C4orf36: variants seen among roughly 807,000 people sequenced by gnomAD.
The protein encoded by C4orf36 is uncharacterized protein C4orf36.
C4orf36 carries 11 observed loss-of-function variants against 12.2 expected under a neutral mutation model. That is an observed-to-expected ratio of 0.90 (90% confidence interval 0.57 to 1.49). The LOEUF is 1.49. Among genes scored for constraint, C4orf36 ranks in the 40% most tolerant of loss-of-function variants. C4orf36 has a pLI of 0.00. For missense variants in C4orf36, 137 were observed against 133.9 expected (o/e 1.02, Z -0.11); for synonymous variants, 54 against 51.3 (o/e 1.05, Z -0.22).
the C4orf36 span, among the ~76,000 whole-genome samples, chr4:86,903,902 A>C: frequency 6.6e-6 from 1 of 152,208 alleles, no homozygotes; most frequent in African/African-American, 2.4e-5. Flanking sequence ...GTCCCCACTG[A>C]CTAGCTAGAC....
chr4:86,909,010 C>T, the C4orf36 span, among the ~76,000 whole-genome samples: 1 of 152,180 alleles, frequency 6.6e-6, no homozygotes, highest in South Asian at 2.1e-4. Context: ...TCACCCCCAC[C>T]TTTACCTGTC....
At chr4:86,891,636 A>G in intron 1 of C4orf36, 43 bp from the exon 2 acceptor site, 1 of 1,512,410 alleles carries the variant, frequency 6.6e-7, no homozygotes, top group Non-Finnish European at 8.9e-7. Flanking sequence ...TCTCACGTGA[A>G]TATTTTGTAG....
chr4:86,900,754 A>G, the C4orf36 span, among the ~76,000 whole-genome samples: 3 of 152,068 alleles, frequency 2.0e-5, no homozygotes, highest in African/African-American at 7.2e-5. Flanking sequence ...ACCAGGATAA[A>G]GGCATGCCAT....
the C4orf36 span, among the ~76,000 whole-genome samples, chr4:86,901,690 C>G: frequency 6.6e-6 from 1 of 152,060 alleles, no homozygotes; most frequent in African/African-American, 2.4e-5. Flanking sequence ...GGATTACAGG[C>G]GTGAGCAACC....
the C4orf36 span, among the ~76,000 whole-genome samples, chr4:86,929,932 G>A: frequency 6.6e-6 from 1 of 152,180 alleles, no homozygotes; most frequent in Non-Finnish European, 1.5e-5. Flanking sequence ...TAAGTTCCAC[G>A]TTAGATACAT....
At chr4:86,878,192 C>T (rs903885741) in intron 4 of C4orf36, among the ~76,000 whole-genome samples, 5 of 152,092 alleles carry the variant, frequency 3.3e-5, no homozygotes, top group African/African-American at 1.2e-4. Context: ...AGCATGGCAC[C>T]GACAGACTGG....
chr4:86,888,212 C>T lies in C4orf36; in HGVS notation c.129G>A (p.Lys43=), dbSNP rs1322638692. Residue 43 remains lysine (K), a synonymous_variant, in exon 3 of 5, where the codon AAG becomes AAA. Transcript: ENST00000295898. ...KTWSTNLANI[K]LPFLEEISFG... ...ATGAAATTTCTTCCAAGAAAGGCAA[C>T]TTGATATTGGCTAGGTTTGTGGACC... is the stretch of plus-strand genomic sequence containing the variant. The T allele has an allele frequency of 3.7e-6, 6 of 1,614,168 alleles. No homozygotes were observed. The highest frequency in any genetic ancestry group is 2.2e-5 in the South Asian group (2 of 91,082).
intron 4 of C4orf36, among the ~76,000 whole-genome samples, chr4:86,880,922 A>G (rs1254080152): frequency 1.3e-5 from 2 of 151,408 alleles, no homozygotes; most frequent in Non-Finnish European, 2.9e-5. Context: ...AATCCCAGCT[A>G]TTCAGGAGGC....
At chr4:86,893,465 C>T (rs571168832), upstream of C4orf36, among the ~76,000 whole-genome samples, 1 of 152,000 alleles carries the variant, frequency 6.6e-6, no homozygotes, top group East Asian at 1.9e-4. Flanking sequence ...GCGCGCCTGT[C>T]GTCCCAGCTA....
the C4orf36 span, among the ~76,000 whole-genome samples, chr4:86,918,934 T>C: frequency 6.6e-6 from 1 of 152,030 alleles, no homozygotes; most frequent in Non-Finnish European, 1.5e-5. Flanking sequence ...GACCCTGAGA[T>C]GCTGGTAGTG....
chr4:86,893,911 T>G (rs1223577575), upstream of C4orf36, among the ~76,000 whole-genome samples: 3 of 129,056 alleles, frequency 2.3e-5, no homozygotes, highest in African/African-American at 5.7e-5. Context: ...TTTATTTATT[T>G]ATTGAGATGG....
chr4:86,902,404 C>T, the C4orf36 span, among the ~76,000 whole-genome samples: 1 of 67,344 alleles, frequency 1.5e-5, no homozygotes, highest in Non-Finnish European at 2.6e-5. Context: ...ACCTGGGCAA[C>T]AGAATGAGAC....
intron 2 of C4orf36, among the ~76,000 whole-genome samples, chr4:86,890,438 T>C (rs1357248107): frequency 6.6e-6 from 1 of 151,752 alleles, no homozygotes; most frequent in African/African-American, 2.4e-5. Flanking sequence ...TATACATGTG[T>C]GTATGTGTCT....
chr4:86,892,451 A>G, upstream of C4orf36: 1 of 985,190 alleles, frequency 1.0e-6, no homozygotes, highest in Non-Finnish European at 1.2e-6. Flanking sequence ...CGGGAGCCTC[A>G]ACAAAGGGCT....
At chr4:86,891,850 G>A (rs1290139852) in intron 1 of C4orf36, among the ~76,000 whole-genome samples, 1 of 152,170 alleles carries the variant, frequency 6.6e-6, no homozygotes, top group African/African-American at 2.4e-5. Flanking sequence ...GCCCTTGCCT[G>A]AGCCTGCCAA....
chr4:86,892,593 T>C (rs1747473453), upstream of C4orf36, among the ~76,000 whole-genome samples: 1 of 152,240 alleles, frequency 6.6e-6, no homozygotes, highest in Non-Finnish European at 1.5e-5. Context: ...CAGAGAGGGC[T>C]GTAAGCCAGA....
chr4:86,907,978 A>G, the C4orf36 span, among the ~76,000 whole-genome samples: 1 of 151,802 alleles, frequency 6.6e-6, no homozygotes, highest in Non-Finnish European at 1.5e-5. Flanking sequence ...AAAAAAGAGA[A>G]AAAAAGAAAT....
chr4:86,928,061 C>T, the C4orf36 span, among the ~76,000 whole-genome samples: 1 of 152,222 alleles, frequency 6.6e-6, no homozygotes, highest in Non-Finnish European at 1.5e-5. Flanking sequence ...AACATCCCAA[C>T]TGTGTGACGT....
the C4orf36 span, among the ~76,000 whole-genome samples, chr4:86,908,814 G>A: frequency 7.3e-3 from 1,109 of 152,198 alleles, 12 homozygotes; most frequent in African/African-American, 0.025. Flanking sequence ...ATTCTCAGAC[G>A]TCGGAAGATC....
Sources: allele counts gnomAD v4.1 joint callset (sites outside exome capture counted in the v4.1 genomes callset), GRCh38; gene constraint gnomAD v4.1.1; transcripts MANE v1.5; gene names NCBI Gene and HGNC (gene_info 2026-07-23, HGNC 2026-07-21).